Variants in FAM135B observed in about 807,000 individuals in gnomAD.
FAM135B encodes family with sequence similarity 135 member B, also known as protein FAM135B.
In FAM135B, 43 loss-of-function variants were observed where a neutral mutation model predicts 127.7. That is an observed-to-expected ratio of 0.34 (90% confidence interval 0.26 to 0.43). FAM135B has a LOEUF of 0.43. FAM135B is among the 20% of genes least tolerant of loss of function. The probability of loss-of-function intolerance (pLI) is 1.00; values close to 1 mark genes in which losing one functional copy is unlikely to be tolerated. For synonymous variants in FAM135B, 670 were observed against 665.1 expected (o/e 1.01, Z -0.11); for missense variants, 1,558 against 1,725.6 (o/e 0.90, Z 1.72).
chr8:138,145,667 G>T (rs1817590411), intron 15 of FAM135B, among the ~76,000 whole-genome samples: 1 of 152,186 alleles, frequency 6.6e-6, no homozygotes, highest in African/African-American at 2.4e-5. Flanking sequence ...CCAACAGTTA[G>T]GAAGGGAGTC....
intron 1 of FAM135B, among the ~76,000 whole-genome samples, chr8:138,406,053 AT>A (rs1833465472): frequency 2.3e-3 from 1 of 430 alleles, no homozygotes; most frequent in African/African-American, 0.01. Context: ...CTACTTTTTG[AT>A]GGGGGTTGTT....
In FAM135B at chr8:138,312,545, C is replaced by CA. The variant is rs1205440523; in HGVS notation, c.78-1626dup. 2.0e-4 allele frequency among the ~76,000 whole-genome samples: 31 copies of CA among 151,704 alleles called. No homozygotes were observed. In the East Asian group the frequency reaches 3.7e-3, roughly 18 times the overall value. ...AATAGCCACCAACAAGAAAATTATACAAAAAAAAGCCCTCTCCCTCCAGCC... is the reference window on the plus strand; with the variant it reads ...AATAGCCACCAACAAGAAAATTATACAAAAAAAAAGCCCTCTCCCTCCAGCC... On this transcript the variant is annotated intron_variant, in intron 2 of 19. Coordinates refer to ENST00000395297, the MANE Select transcript of FAM135B (RefSeq NM_015912.4).
Position 138,153,332 on chromosome 8 carries a change from G to A in FAM135B, c.1259-116C>T, listed in dbSNP as rs1200543905. The A allele has an allele frequency of 5.1e-6, 4 of 777,246 alleles. No individual in the cohort carries two copies. In the African/African-American group the frequency reaches 5.3e-5, roughly 10 times the overall value. 48.1% of individuals were successfully genotyped at this position (777,246 alleles called of 1,614,324 possible). On this transcript the variant is annotated intron_variant, in intron 12 of 19. Coordinates refer to ENST00000395297, the MANE Select transcript of FAM135B (RefSeq NM_015912.4). Reference sequence around the variant, plus strand: ...AGCTATGTGGACTCGGTTCGAAGATGGGAGAATAGGAAGAGCTCCAGTCTA... The same window carrying A: ...AGCTATGTGGACTCGGTTCGAAGATAGGAGAATAGGAAGAGCTCCAGTCTA...
At chr8:138,157,675 C>T (rs1818903186) in intron 12 of FAM135B, among the ~76,000 whole-genome samples, 1 of 152,202 alleles carries the variant, frequency 6.6e-6, no homozygotes, top group Non-Finnish European at 1.5e-5. Flanking sequence ...AGAGCCAAAT[C>T]ATGAGTGAAC....
At chr8:138,407,684 C>A (rs1198177899) in intron 1 of FAM135B, among the ~76,000 whole-genome samples, 1 of 152,102 alleles carries the variant, frequency 6.6e-6, no homozygotes, top group African/African-American at 2.4e-5. Context: ...ATAAATGGTG[C>A]TGGGAAAACT....
intron 7 of FAM135B, among the ~76,000 whole-genome samples, chr8:138,198,304 T>C (rs1403624688): frequency 1.3e-5 from 2 of 152,230 alleles, no homozygotes; most frequent in African/African-American, 4.8e-5. Context: ...CATGTGGAAC[T>C]GTGAGTCCAT....
chr8:138,446,490 C>A (rs1241857543), intron 1 of FAM135B, among the ~76,000 whole-genome samples: 1 of 152,008 alleles, frequency 6.6e-6, no homozygotes, highest in Non-Finnish European at 1.5e-5. Context: ...GAGGCCTCAG[C>A]AGTAACACTG....
Position 138,250,991 on chromosome 8 carries a change from G to T in FAM135B, c.392C>A (p.Pro131Gln), listed in dbSNP as rs779319110. The part of the protein sequence containing the change: ...EQQLRDVAGA[P>Q]MVSSRTLGLH... ...GCCAAGCGTTCGGCTGCTGACCATC[G>T]GTGCCCCAGCCACATCCCTCAACCT... is the stretch of plus-strand genomic sequence containing the variant. Residue 131 changes from proline to glutamine, a missense_variant, in exon 6 of 20, where the codon CCG (proline) becomes CAG (glutamine). Physicochemically the swap from Pro to Gln is moderately conservative, Grantham distance 76. Around this residue, in one of 5 missense-constraint regions of FAM135B, gnomAD observed 199 missense variants for 245.7 expected, o/e 0.81. Transcript: ENST00000395297. The T allele has an allele frequency of 6.2e-7, 1 of 1,613,866 alleles. No individual in the cohort carries two copies. Among genetic ancestry groups the T allele is most frequent in the Non-Finnish European group, 8.5e-7 (1 of 1,179,978 alleles).
At chr8:138,196,073 A>T (rs1316884057) in intron 8 of FAM135B, among the ~76,000 whole-genome samples, 1 of 152,238 alleles carries the variant, frequency 6.6e-6, no homozygotes, top group East Asian at 1.9e-4. Flanking sequence ...CTATTGATAC[A>T]TTAGTCACGG....
intron 2 of FAM135B, among the ~76,000 whole-genome samples, chr8:138,313,995 T>C (rs1043230462): frequency 1.3e-5 from 2 of 152,196 alleles, no homozygotes; most frequent in African/African-American, 4.8e-5. Context: ...ATTTGTGTAC[T>C]CTTTGCTTTT....
chr8:138,338,897 T>A (rs1485029657), intron 2 of FAM135B, among the ~76,000 whole-genome samples: 1 of 152,096 alleles, frequency 6.6e-6, no homozygotes, highest in Non-Finnish European at 1.5e-5. Flanking sequence ...TAAGAAAATG[T>A]GGCACATATA....
intron 1 of FAM135B, among the ~76,000 whole-genome samples, chr8:138,412,673 C>G (rs1226705358): frequency 3.9e-5 from 6 of 152,204 alleles, no homozygotes; most frequent in Admixed American, 3.9e-4. Flanking sequence ...TGCTATGGTG[C>G]AAATCTTTGA....
intron 2 of FAM135B, among the ~76,000 whole-genome samples, chr8:138,355,090 G>A (rs1209108165): frequency 6.6e-6 from 1 of 151,922 alleles, no homozygotes; most frequent in Non-Finnish European, 1.5e-5. Flanking sequence ...AATTTCCACA[G>A]AGAAATAGGA....
At chr8:138,230,407 A>G (rs1586833022) in intron 7 of FAM135B, among the ~76,000 whole-genome samples, 1 of 152,180 alleles carries the variant, frequency 6.6e-6, no homozygotes, top group Non-Finnish European at 1.5e-5. Context: ...ACCCTTCAGA[A>G]TGTACAATAC....
chr8:138,150,268 G>A (rs12155663), intron 13 of FAM135B, among the ~76,000 whole-genome samples: 105,462 of 152,128 alleles, frequency 0.69, 36,603 homozygotes, highest in East Asian at 0.76. Flanking sequence ...GTCAAATCTG[G>A]TGAAGAATTG....
At chr8:138,400,425 G>T (rs1402333059) in intron 1 of FAM135B, among the ~76,000 whole-genome samples, 1 of 152,156 alleles carries the variant, frequency 6.6e-6, no homozygotes, top group African/African-American at 2.4e-5. Context: ...TTGAAGCCTG[G>T]TCATTCCCAT....
intron 4 of FAM135B, among the ~76,000 whole-genome samples, chr8:138,264,368 C>T (rs1057451934): frequency 6.6e-6 from 1 of 152,190 alleles, no homozygotes; most frequent in Admixed American, 6.5e-5. Flanking sequence ...GAGACAACAG[C>T]CAGTCTTGCA....
chr8:138,150,947 T>C (rs2130716858), intron 13 of FAM135B, among the ~76,000 whole-genome samples: 1 of 152,188 alleles, frequency 6.6e-6, no homozygotes, highest in African/African-American at 2.4e-5. Context: ...CAGAAGAATA[T>C]ACACAGTGGT....
chr8:138,383,868 C>A (rs2131297058), intron 1 of FAM135B, among the ~76,000 whole-genome samples: 1 of 152,318 alleles, frequency 6.6e-6, no homozygotes, highest in African/African-American at 2.4e-5. Context: ...CACGCCCATC[C>A]TCTGTCTTGG....
Sources: allele counts gnomAD v4.1 joint callset (sites outside exome capture counted in the v4.1 genomes callset), GRCh38; gene constraint gnomAD v4.1.1; regional missense constraint gnomAD v4.1.1; transcripts MANE v1.5; gene names NCBI Gene and HGNC (gene_info 2026-07-23, HGNC 2026-07-21).